SLC5A11: variants seen among roughly 807,000 people sequenced by gnomAD.
SLC5A11 encodes the protein sodium/myo-inositol cotransporter 2.
Under a neutral mutation model 69.8 loss-of-function variants are expected in SLC5A11, and 48 were observed. The observed-to-expected ratio is 0.69, with a 90% CI of 0.55 to 0.87. SLC5A11 has a LOEUF of 0.87. Ranked by LOEUF, SLC5A11 falls within the 40% of genes least tolerant of loss-of-function variation. The probability of loss-of-function intolerance (pLI) is 0.00; values close to 1 mark genes in which losing one functional copy is unlikely to be tolerated. For synonymous variants in SLC5A11, 319 were observed against 342.4 expected (o/e 0.93, Z 0.75); for missense variants, 784 against 866.1 (o/e 0.91, Z 1.19).
At chr16:24,906,511 G>A in intron 10 of SLC5A11, 146 bp from the exon 12 acceptor site, 1 of 435,042 alleles carries the variant, frequency 2.3e-6, no homozygotes, top group Admixed American at 4.2e-5. Context: ...TAAGTAACAA[G>A]GTCACAGCTT....
chr16:24,852,141 ATTTCC>A (rs2059340366), intron 1 of SLC5A11, among the ~76,000 whole-genome samples: 1 of 151,544 alleles, frequency 6.6e-6, no homozygotes, highest in African/African-American at 2.4e-5. Flanking sequence ...TGCTCTGTTT[ATTTCC>A]CTCCTTTTTC....
At chr16:24,897,111 C>A (rs2049237637) in intron 9 of SLC5A11, among the ~76,000 whole-genome samples, 1 of 151,892 alleles carries the variant, frequency 6.6e-6, no homozygotes, top group African/African-American at 2.4e-5. Context: ...CGCCAATGCA[C>A]CCAGCTAATT....
chr16:24,855,331 G>A (rs1029725912), intron 1 of SLC5A11, among the ~76,000 whole-genome samples: 4 of 151,764 alleles, frequency 2.6e-5, no homozygotes, highest in African/African-American at 9.7e-5. Flanking sequence ...GCCAGGTGCG[G>A]TGGCTCATGC....
chr16:24,894,725 G>T (rs558887686), intron 9 of SLC5A11, among the ~76,000 whole-genome samples: 9 of 151,920 alleles, frequency 5.9e-5, no homozygotes, highest in Non-Finnish European at 1.2e-4. Flanking sequence ...AGCTGAACCC[G>T]GGAGGCGGAG....
intron 2 of SLC5A11, among the ~76,000 whole-genome samples, chr16:24,861,027 A>G (rs190327423): frequency 4.6e-5 from 7 of 152,122 alleles, no homozygotes; most frequent in African/African-American, 1.7e-4. Context: ...ATATGCATTT[A>G]TCTTACAATG....
rs1484271164 is a variant in SLC5A11 at position 24,911,439 on chromosome 16, C to T, written c.1934C>T (p.Ser645Phe). 3.7e-6 allele frequency: 6 copies of T among 1,614,004 alleles called. No homozygotes were observed. The African/African-American group carries it at 5.3e-5, about 14-fold the overall frequency. Residue 645 changes from serine (S) to phenylalanine (F), a missense_variant, in exon 16 of 16, where the codon TCC (serine) becomes TTC (phenylalanine). Ser to Phe is a radical substitution (Grantham distance 155). Coordinates refer to ENST00000347898, the Ensembl canonical transcript of SLC5A11. ...GCCAGAGCAGAAGCCATCATAGTTT[C>T]CCTGGAAGAAAACCCCTTGGTGAAG...
At chr16:24,895,142 GA>G (rs796576626) in intron 9 of SLC5A11, among the ~76,000 whole-genome samples, 5 of 145,082 alleles carry the variant, frequency 3.4e-5, no homozygotes, top group African/African-American at 7.6e-5. Flanking sequence ...AAGAAAGAAA[GA>G]AAAAAAAAAG....
At chr16:24,863,610 T>C (rs2046737149) in intron 3 of SLC5A11, among the ~76,000 whole-genome samples, 1 of 151,992 alleles carries the variant, frequency 6.6e-6, no homozygotes, top group Admixed American at 6.6e-5. Flanking sequence ...AGTAAAGAGC[T>C]TCAAAAATTC....
intron 5 of SLC5A11, among the ~76,000 whole-genome samples, chr16:24,873,394 G>T (rs963179578): frequency 1.3e-5 from 2 of 152,046 alleles, no homozygotes; most frequent in Non-Finnish European, 2.9e-5. Context: ...TCTTTGGGAG[G>T]CTGTGGTGGG....
In SLC5A11 at chr16:24,868,287, CAAA is replaced by C. The variant is rs374049168; in HGVS notation, c.208-1600_208-1598del. ...AACACAAATGCTTTACAGATTCTTC[CAAA>C]AAAAAAAAAAAAATTAGAGGCCAGG... is the stretch of plus-strand genomic sequence containing the variant. On this transcript the variant is annotated intron_variant, in intron 3 of 15. Transcript: ENST00000347898. Among the ~76,000 whole-genome samples the C allele has an allele frequency of 9.4e-4, 122 of 129,112 alleles. 2 individuals carry two copies. In the East Asian group the frequency reaches 0.019, roughly 20 times the overall value. The allele number at this position is 129,112 out of a possible 152,430, so 84.7% of individuals were successfully genotyped here. A position where few individuals can be genotyped will look rare whatever the true frequency, so the allele number is the denominator to read the frequency against.
chr16:24,876,409 C>T (rs1430716158), intron 6 of SLC5A11, among the ~76,000 whole-genome samples: 1 of 152,108 alleles, frequency 6.6e-6, no homozygotes, highest in Non-Finnish European at 1.5e-5. Flanking sequence ...ATCCGATGTG[C>T]TGTTGGCTGA....
chr16:24,859,717 A>G (rs1007779023), intron 2 of SLC5A11, among the ~76,000 whole-genome samples: 6 of 152,226 alleles, frequency 3.9e-5, no homozygotes, highest in Admixed American at 1.3e-4. Context: ...TTTTCACATT[A>G]GCACGTAGAC....
chr16:24,858,856 T>A, intron 2 of SLC5A11, 78 bp downstream of exon 3: 1 of 1,491,868 alleles, frequency 6.7e-7, no homozygotes, highest in Admixed American at 2.2e-5. Flanking sequence ...AACCTCATCC[T>A]TTTGGAGCTA....
intron 7 of SLC5A11, among the ~76,000 whole-genome samples, chr16:24,883,301 G>T (rs1287591434): frequency 1.3e-5 from 2 of 152,114 alleles, no homozygotes; most frequent in East Asian, 3.8e-4. Flanking sequence ...GGAAGTCTAG[G>T]CTGCAGTGAG....
At chr16:24,851,823 G>T (rs1339311849) in intron 1 of SLC5A11, among the ~76,000 whole-genome samples, 1 of 152,218 alleles carries the variant, frequency 6.6e-6, no homozygotes, top group Admixed American at 6.5e-5. Flanking sequence ...GCAGAGCTGG[G>T]ATCTGAGTCA....
At chr16:24,858,650 A>T in exon 2 of SLC5A11, 1 of 1,609,492 alleles carries the variant, frequency 6.2e-7, no homozygotes. Flanking sequence ...GACCATGGAG[A>T]GCGGCACCAG....
intron 9 of SLC5A11, among the ~76,000 whole-genome samples, chr16:24,897,731 AAG>A (rs1382042818): frequency 3.9e-5 from 6 of 152,210 alleles, no homozygotes; most frequent in African/African-American, 1.4e-4. Flanking sequence ...GCAGCAGGCA[AAG>A]AGAGAATGAG....
chr16:24,897,504 A>G (rs550587992), intron 9 of SLC5A11, among the ~76,000 whole-genome samples: 1 of 152,298 alleles, frequency 6.6e-6, no homozygotes, highest in South Asian at 2.1e-4. Flanking sequence ...TTGGCAAACC[A>G]AGATCCTAAG....
chr16:24,848,204 G>T (rs953103827), intron 1 of SLC5A11, among the ~76,000 whole-genome samples: 2 of 152,170 alleles, frequency 1.3e-5, no homozygotes, highest in Non-Finnish European at 2.9e-5. Context: ...ATGTGGTGGG[G>T]TTGGAAGCAC....
Sources: allele counts gnomAD v4.1 joint callset (sites outside exome capture counted in the v4.1 genomes callset), GRCh38; gene constraint gnomAD v4.1.1; transcripts MANE v1.5; gene names NCBI Gene and HGNC (gene_info 2026-07-23, HGNC 2026-07-21).